The following ROBO1 variants were observed in gnomAD, a reference collection of about 807,000 sequenced individuals.
ROBO1 encodes the protein roundabout homolog 1.
In ROBO1, 149 loss-of-function variants were observed where a neutral mutation model predicts 195.9. The observed-to-expected ratio is 0.76, with a 90% CI of 0.67 to 0.87. The LOEUF is 0.87. ROBO1 is among the 40% of genes least tolerant of loss of function. ROBO1 has a pLI of 0.00. For missense variants in ROBO1, 1,933 were observed against 2,068.3 expected (o/e 0.93, Z 1.27); for synonymous variants, 816 against 733.2 (o/e 1.11, Z -1.82).
At chr3:79,523,144 G>C (rs1264367957) in intron 2 of ROBO1, among the ~76,000 whole-genome samples, 2 of 146,424 alleles carry the variant, frequency 1.4e-5, no homozygotes, top group African/African-American at 5.3e-5. Context: ...TTCCACCATT[G>C]TAAGAGGCTT....
chr3:79,254,404 C>T (rs1212914426), intron 2 of ROBO1, among the ~76,000 whole-genome samples: 1 of 151,812 alleles, frequency 6.6e-6, no homozygotes, highest in African/African-American at 2.4e-5. Context: ...TTTTTAATTC[C>T]TCCAATTCTT....
At chr3:79,470,255 TTG>T (rs1257096571) in intron 2 of ROBO1, among the ~76,000 whole-genome samples, 1 of 152,132 alleles carries the variant, frequency 6.6e-6, no homozygotes, top group Non-Finnish European at 1.5e-5. Context: ...TTGATGTCCT[TTG>T]TAGGGACATG....
Position 78,627,466 on chromosome 3 carries a change from G to C in ROBO1, c.3730C>G (p.Arg1244Gly). Residue 1244 changes from arginine to glycine, a missense_variant, in exon 26 of 31, where the codon CGG becomes GGG. Arg to Gly is a moderately radical substitution (Grantham distance 125). Around this residue, in one of 3 missense-constraint regions of ROBO1, gnomAD observed 1,737 missense variants for 1,882.5 expected, o/e 0.92. Coordinates refer to ENST00000464233, the MANE Select transcript of ROBO1 (RefSeq NM_002941.4). ...GCAGCTGGAGAAGAAGCTGCTCCCCGAACAGGGGGAGTGGGGCCTCGTTCA... is the reference window on the plus strand; with the variant it reads ...GCAGCTGGAGAAGAAGCTGCTCCCCCAACAGGGGGAGTGGGGCCTCGTTCA... ...EDERGPTPPV[R>G]GAASSPAAVS... The C allele has an allele frequency of 3.7e-6, 6 of 1,613,006 alleles. No individual in the cohort carries two copies. Among genetic ancestry groups the C allele is most frequent in the Non-Finnish European group, 5.1e-6 (6 of 1,179,510 alleles).
At chr3:78,715,524 T>A (rs1347711479) in intron 7 of ROBO1, among the ~76,000 whole-genome samples, 6 of 152,090 alleles carry the variant, frequency 3.9e-5, no homozygotes, top group Non-Finnish European at 7.3e-5. Context: ...CTAACAAAAT[T>A]AATTTTTCTT....
In ROBO1 at chr3:78,820,163, C is replaced by T. The variant is rs115028343; in HGVS notation, c.500-73263G>A. On this transcript the variant is annotated intron_variant, in intron 4 of 30. Coordinates refer to ENST00000464233, the MANE Select transcript of ROBO1 (RefSeq NM_002941.4). Reference sequence around the variant, plus strand: ...TAAACGTGTTATCTGTTTGATTATACGCAAATTTCTTTAAGACAGAGAACA... The same window carrying T: ...TAAACGTGTTATCTGTTTGATTATATGCAAATTTCTTTAAGACAGAGAACA... 7.7e-3 allele frequency among the ~76,000 whole-genome samples: 1,171 copies of T among 152,250 alleles called. 18 individuals carry two copies. Among genetic ancestry groups the T allele is most frequent in the African/African-American group, 0.025 (1,025 of 41,550 alleles).
chr3:79,604,784 TA>T (rs1944434416), intron 1 of ROBO1, among the ~76,000 whole-genome samples: 1 of 151,938 alleles, frequency 6.6e-6, no homozygotes, highest in Non-Finnish European at 1.5e-5. Flanking sequence ...TACAAAGAGT[TA>T]TTTTTTTGTT....
At chr3:79,231,099 C>T (rs2082311664) in intron 2 of ROBO1, among the ~76,000 whole-genome samples, 1 of 151,996 alleles carries the variant, frequency 6.6e-6, no homozygotes, top group African/African-American at 2.4e-5. Context: ...AAATGTAAAA[C>T]CTGGAAGTAT....
At chr3:79,411,593 T>C (rs2037768511) in intron 2 of ROBO1, among the ~76,000 whole-genome samples, 1 of 152,158 alleles carries the variant, frequency 6.6e-6, no homozygotes, top group Admixed American at 6.6e-5. Flanking sequence ...AGCAACATAT[T>C]TGAACTTCAT....
intron 4 of ROBO1, among the ~76,000 whole-genome samples, chr3:78,931,100 C>T (rs1186067457): frequency 6.6e-6 from 1 of 151,958 alleles, no homozygotes; most frequent in Non-Finnish European, 1.5e-5. Flanking sequence ...CATTGACTAG[C>T]TAGAGCTAAA....
chr3:79,015,517 C>G (rs937079248), intron 3 of ROBO1, among the ~76,000 whole-genome samples: 1 of 151,882 alleles, frequency 6.6e-6, no homozygotes, highest in Non-Finnish European at 1.5e-5. Flanking sequence ...TGGATTTGAG[C>G]AAGTCTATGA....
chr3:79,651,751 G>A (rs1946015822), intron 1 of ROBO1, among the ~76,000 whole-genome samples: 1 of 152,046 alleles, frequency 6.6e-6, no homozygotes, highest in African/African-American at 2.4e-5. Context: ...GTTTCATTTG[G>A]TGCCAAAAAG....
At chr3:79,239,532 G>A (rs1461855392) in intron 2 of ROBO1, among the ~76,000 whole-genome samples, 1 of 152,042 alleles carries the variant, frequency 6.6e-6, no homozygotes, top group Non-Finnish European at 1.5e-5. Context: ...AGCTACATGT[G>A]GCTTCATTCT....
At chr3:79,035,781 T>C (rs866499369) in intron 3 of ROBO1, among the ~76,000 whole-genome samples, 2 of 151,928 alleles carry the variant, frequency 1.3e-5, no homozygotes, top group African/African-American at 2.4e-5. Flanking sequence ...ATTCTTTTAA[T>C]TGAAAATTCC....
chr3:78,977,129 A>G (rs184535147), intron 3 of ROBO1, among the ~76,000 whole-genome samples: 209 of 152,316 alleles, frequency 1.4e-3, no homozygotes, highest in African/African-American at 4.6e-3. Context: ...ATTTAAGCAG[A>G]ATATTTCCAA....
chr3:79,499,903 T>G (rs1346538459), intron 2 of ROBO1, among the ~76,000 whole-genome samples: 1 of 152,096 alleles, frequency 6.6e-6, no homozygotes, highest in East Asian at 1.9e-4. Context: ...GCCTCCCTGG[T>G]TCAAGCAATT....
intron 26 of ROBO1, among the ~76,000 whole-genome samples, chr3:78,622,966 G>A (rs919916093): frequency 6.6e-6 from 1 of 152,228 alleles, no homozygotes. Flanking sequence ...ATATGGATTG[G>A]AGATGAATTG....
At chr3:78,933,627 T>C (rs2039650304) in intron 4 of ROBO1, among the ~76,000 whole-genome samples, 3 of 151,932 alleles carry the variant, frequency 2.0e-5, no homozygotes, top group Non-Finnish European at 4.4e-5. Context: ...TAACTACTAA[T>C]AAAAATCCAA....
intron 1 of ROBO1, among the ~76,000 whole-genome samples, chr3:79,631,441 G>T (rs1945337021): frequency 6.6e-6 from 1 of 151,960 alleles, no homozygotes; most frequent in Non-Finnish European, 1.5e-5. Context: ...ATATGCAGAA[G>T]AATGAAATTT....
intron 2 of ROBO1, among the ~76,000 whole-genome samples, chr3:79,294,057 CA>C (rs71631641): frequency 0.015 from 440 of 29,010 alleles, 3 homozygotes; most frequent in Middle Eastern, 0.088. Flanking sequence ...GACTCCATCT[CA>C]AAAAAAAAAA....
Sources: gnomAD v4.1 joint callset for allele counts (sites outside exome capture counted in the v4.1 genomes callset) on GRCh38, gnomAD v4.1.1 for gene constraint, gnomAD v4.1.1 regional missense constraint, MANE v1.5 for transcripts, NCBI Gene and HGNC (gene_info 2026-07-23, HGNC 2026-07-21) for gene names.